SDK1: variants seen among roughly 807,000 people sequenced by gnomAD.
SDK1 encodes the protein protein sidekick-1.
SDK1 carries 157 observed loss-of-function variants against 245.5 expected under a neutral mutation model. The ratio of observed to expected loss-of-function variants is 0.64; its 90% CI spans 0.56 to 0.73. SDK1 has a LOEUF of 0.73. Among genes scored for constraint, SDK1 ranks in the 30% least tolerant of loss-of-function variants. The pLI is 0.00. For synonymous variants in SDK1, 1,647 were observed against 1,278.5 expected (o/e 1.29, Z -6.15); for missense variants, 3,583 against 3,002.3 (o/e 1.19, Z -4.52).
chr7:3,700,156 A>G (rs927063893), intron 4 of SDK1, among the ~76,000 whole-genome samples: 1 of 152,352 alleles, frequency 6.6e-6, no homozygotes, highest in South Asian at 2.1e-4. Context: ...TGAAGGGAAA[A>G]CTAAAGGAAT....
chr7:3,737,810 T>C (rs1779360472), intron 4 of SDK1, among the ~76,000 whole-genome samples: 1 of 152,238 alleles, frequency 6.6e-6, no homozygotes, highest in Non-Finnish European at 1.5e-5. Flanking sequence ...GGCTCTCTTT[T>C]TCCCTACTGG....
At chr7:3,759,913 T>G (rs896540082) in intron 4 of SDK1, among the ~76,000 whole-genome samples, 4 of 152,152 alleles carry the variant, frequency 2.6e-5, no homozygotes, top group Non-Finnish European at 4.4e-5. Context: ...TATTTTAAGT[T>G]GTCCGCATTC....
chr7:3,619,269 C>G, intron 2 of SDK1, 30 bp downstream of exon 2: 1 of 1,582,590 alleles, frequency 6.3e-7, no homozygotes. Flanking sequence ...AATAAGATCC[C>G]ATTTCAGTTG....
At chr7:3,730,065 C>A (rs2115039620) in intron 4 of SDK1, among the ~76,000 whole-genome samples, 1 of 152,116 alleles carries the variant, frequency 6.6e-6, no homozygotes, top group African/African-American at 2.4e-5. Context: ...CTTGGGTACA[C>A]ATGGATTTGA....
At chr7:3,900,013 A>G (rs1173708209) in intron 5 of SDK1, among the ~76,000 whole-genome samples, 1 of 152,276 alleles carries the variant, frequency 6.6e-6, no homozygotes, top group Non-Finnish European at 1.5e-5. Flanking sequence ...CCATGTGGAA[A>G]GCTGTAATCG....
chr7:3,602,035 C>T (rs1583214815), intron 1 of SDK1, among the ~76,000 whole-genome samples: 1 of 151,874 alleles, frequency 6.6e-6, no homozygotes, highest in Non-Finnish European at 1.5e-5. Context: ...GCATAGTATT[C>T]CATGGAGTAT....
chr7:4,220,821 G>T (rs961709242), intron 39 of SDK1, among the ~76,000 whole-genome samples: 1 of 151,974 alleles, frequency 6.6e-6, no homozygotes, highest in African/African-American at 2.4e-5. Context: ...ACCCAAGCTG[G>T]AGTGCAGCAG....
chr7:3,323,523 G>T (rs1779869401), intron 1 of SDK1, among the ~76,000 whole-genome samples: 1 of 152,150 alleles, frequency 6.6e-6, no homozygotes, highest in South Asian at 2.1e-4. Context: ...GTGGCTGTAG[G>T]ACTGAGGCTC....
chr7:4,220,000 C>T (rs1442899799), intron 38 of SDK1, 109 bp from the exon 39 acceptor site: 3 of 1,326,408 alleles, frequency 2.3e-6, no homozygotes, highest in East Asian at 4.7e-5. Flanking sequence ...GAAATACTTC[C>T]TTAGCAAACT....
At chr7:3,522,933 G>A (rs1383393353) in intron 1 of SDK1, among the ~76,000 whole-genome samples, 2 of 30,200 alleles carry the variant, frequency 6.6e-5, no homozygotes, top group Non-Finnish European at 1.3e-4. Flanking sequence ...CATGATTTCA[G>A]TAAAGGTTAG....
At position 3,795,131 on chromosome 7, in the gene SDK1, G is replaced by C. The variant is rs570287823; in HGVS notation, c.714-26319G>C. ...AGGGCAAGTAGCTTGTCCATGGTTA[G>C]TGGCACAACTGACTCTAAAATCTTT... On this transcript the variant is annotated intron_variant, in intron 4 of 44. Transcript: ENST00000404826. 3.0e-4 allele frequency among the ~76,000 whole-genome samples: 45 copies of C among 152,246 alleles called. 1 individual carries two copies. The highest frequency in any genetic ancestry group is 1.1e-3 in the African/African-American group (45 of 41,540).
intron 44 of SDK1, among the ~76,000 whole-genome samples, chr7:4,252,196 A>C (rs1787346028): frequency 6.7e-6 from 1 of 149,068 alleles, no homozygotes. Context: ...TCCTAATGCT[A>C]TCCCTCCCAC....
chr7:3,397,820 T>G (rs910179531), intron 1 of SDK1, among the ~76,000 whole-genome samples: 1 of 152,152 alleles, frequency 6.6e-6, no homozygotes, highest in Non-Finnish European at 1.5e-5. Flanking sequence ...TCTTCTTGCA[T>G]GTTTTACACT....
chr7:3,869,153 C>CTTT (rs751723918), intron 5 of SDK1, among the ~76,000 whole-genome samples: 10 of 117,118 alleles, frequency 8.5e-5, no homozygotes, highest in African/African-American at 1.7e-4. Context: ...TTTTTCATTT[C>CTTT]TTTTTTTTTT....
intron 21 of SDK1, among the ~76,000 whole-genome samples, chr7:4,077,957 A>G (rs570609311): frequency 1.3e-5 from 2 of 152,244 alleles, no homozygotes; most frequent in Admixed American, 6.5e-5. Flanking sequence ...CTAGAAGCAC[A>G]TCTGGGTGCA....
chr7:3,933,809 C>A (rs76602400), intron 5 of SDK1, among the ~76,000 whole-genome samples: 7,571 of 152,222 alleles, frequency 0.05, 264 homozygotes, highest in Non-Finnish European at 0.071. Flanking sequence ...TCTGGTTTTA[C>A]TTAAGATATG....
chr7:3,923,717 TA>T (rs1190904003), intron 5 of SDK1, among the ~76,000 whole-genome samples: 1 of 152,260 alleles, frequency 6.6e-6, no homozygotes, highest in East Asian at 1.9e-4. Context: ...AGTTCACGTT[TA>T]GTCCCCTCAT....
chr7:3,372,330 A>C (rs1472078596), intron 1 of SDK1, among the ~76,000 whole-genome samples: 1 of 152,238 alleles, frequency 6.6e-6, no homozygotes, highest in Non-Finnish European at 1.5e-5. Context: ...AAGTTGGGTC[A>C]TCCAACAGAA....
intron 5 of SDK1, among the ~76,000 whole-genome samples, chr7:3,905,839 G>A (rs1247773410): frequency 6.6e-6 from 1 of 152,036 alleles, no homozygotes; most frequent in Non-Finnish European, 1.5e-5. Flanking sequence ...GCCCAGGCTG[G>A]TCTTGAACTC....
Sources: allele counts gnomAD v4.1 joint callset (sites outside exome capture counted in the v4.1 genomes callset), GRCh38; gene constraint gnomAD v4.1.1; transcripts MANE v1.5; gene names NCBI Gene and HGNC (gene_info 2026-07-23, HGNC 2026-07-21).